BOC: variants seen among roughly 807,000 people sequenced by gnomAD.
BOC encodes the protein BOC cell adhesion associated, oncogene regulated, also known as brother of CDO.
BOC carries 76 observed loss-of-function variants against 112.0 expected under a neutral mutation model. The observed-to-expected ratio is 0.68, with a 90% CI of 0.56 to 0.82. BOC has a LOEUF of 0.82. Among genes scored for constraint, BOC ranks in the 40% least tolerant of loss-of-function variants. BOC has a pLI of 0.00. For synonymous variants in BOC, 580 were observed against 599.8 expected (o/e 0.97, Z 0.48); for missense variants, 1,309 against 1,511.7 (o/e 0.87, Z 2.22).
chr3:113,278,771 G>A lies in BOC; in HGVS notation c.1804G>A (p.Gly602Ser), dbSNP rs746361972. 30 of 1,555,108 alleles carry A rather than the reference G, an allele frequency of 1.9e-5. No homozygotes were observed. The highest frequency in any genetic ancestry group is 9.6e-5 in the African/African-American group (7 of 73,144). Reference protein sequence around the residue: ...SPQSSSQPDHGRLSPPEAPDR... With the variant: ...SPQSSSQPDHSRLSPPEAPDR... ...CCAGAGCAGCAGCCAGCCAGACCACGGCCGCCTCTCCCGTAAGCCGCTAGC... is the reference window on the plus strand; with the variant it reads ...CCAGAGCAGCAGCCAGCCAGACCACAGCCGCCTCTCCCGTAAGCCGCTAGC... Residue 602 changes from glycine to serine, a missense_variant, in exon 11 of 20, where the codon GGC becomes AGC. Gly to Ser is a moderately conservative substitution (Grantham distance 56). Transcript: ENST00000682979. The surrounding 1 kb of genome is among the most constrained non-coding windows in gnomAD (Gnocchi z 4.2).
chr3:113,278,386 C>G lies in BOC; in HGVS notation c.1705+129C>G. The stretch of plus-strand genomic sequence containing the variant: ...TGAACTTCATCTTTCCTTCCAGCTA[C>G]TGCCTCCTTGTGGTTTGTGTGCTAG... On this transcript the variant is annotated intron_variant, in intron 10 of 19. Coordinates refer to ENST00000682979, the MANE Select transcript of BOC (RefSeq NM_001378074.1). This position sits in a 1 kb window ranked among gnomAD's most constrained non-coding sequence, Gnocchi z 4.2. 8.9e-7 allele frequency: 1 copy of G among 1,123,806 alleles called. No individual in the cohort carries two copies. The highest frequency in any genetic ancestry group is 1.3e-6 in the Non-Finnish European group (1 of 784,136). 69.6% of individuals were successfully genotyped at this position (1,123,806 alleles called of 1,614,324 possible). A position where few individuals can be genotyped will look rare whatever the true frequency, so the allele number is the denominator to read the frequency against.
intron 2 of BOC, among the ~76,000 whole-genome samples, chr3:113,223,278 C>A (rs1031222686): frequency 6.6e-6 from 1 of 152,114 alleles, no homozygotes; most frequent in Non-Finnish European, 1.5e-5. Flanking sequence ...AATTAGTAGC[C>A]CTTTTTAAAA....
At chr3:113,245,919 C>T (rs927423120) in intron 2 of BOC, among the ~76,000 whole-genome samples, 7 of 152,304 alleles carry the variant, frequency 4.6e-5, no homozygotes, top group South Asian at 4.1e-4. Context: ...GATGAGCCGA[C>T]GGCTTTTTGT....
At chr3:113,232,856 G>A (rs1366865313) in intron 2 of BOC, among the ~76,000 whole-genome samples, 1 of 152,174 alleles carries the variant, frequency 6.6e-6, no homozygotes, top group Non-Finnish European at 1.5e-5. Context: ...TGTTATAGAT[G>A]TTTACTAATG....
intron 8 of BOC, among the ~76,000 whole-genome samples, chr3:113,273,794 C>T (rs140218826): frequency 4.1e-4 from 62 of 152,264 alleles, no homozygotes; most frequent in South Asian, 1.9e-3. Context: ...GAATATAATA[C>T]GATGCTAAGT....
Position 113,286,790 on chromosome 3 carries a change from G to C in BOC, c.3276G>C (p.Gln1092His). Residue 1092 changes from glutamine (Q) to histidine (H), a missense_variant, in exon 20 of 20, where the codon CAG (glutamine) becomes CAC (histidine). Transcript: ENST00000682979. ...ACCCCGTAGGGGCCTACGTAGGACA[G>C]GAACCTGGAATGCAGCTCTCCCCGG... ...PQHPVGAYVGQEPGMQLSPGP... is the reference protein window; with the variant it reads ...PQHPVGAYVGHEPGMQLSPGP... 1 of 1,613,280 alleles carries C rather than the reference G, an allele frequency of 6.2e-7. No homozygotes were observed.
At position 113,249,841 on chromosome 3, in the gene BOC, G is replaced by C; in HGVS notation, c.39G>C (p.Arg13Ser). ...RGTMTAWRGM[R>S]PEVTLACLLL... ...CGATGACGGCGTGGAGAGGAATGAGGCCTGAGGTCACACTGGCTTGCCTCC... is the reference window on the plus strand; with the variant it reads ...CGATGACGGCGTGGAGAGGAATGAGCCCTGAGGTCACACTGGCTTGCCTCC... Residue 13 changes from arginine to serine, a missense_variant, in exon 3 of 20, where the codon AGG becomes AGC. Coordinates refer to ENST00000682979, the MANE Select transcript of BOC (RefSeq NM_001378074.1). 6.2e-7 allele frequency: 1 copy of C among 1,613,764 alleles called. No homozygotes were observed. The highest frequency in any genetic ancestry group is 1.3e-5 in the African/African-American group (1 of 75,034).
At chr3:113,284,236 C>T in intron 16 of BOC, 99 bp from the exon 17 acceptor site, 2 of 986,696 alleles carry the variant, frequency 2.0e-6, no homozygotes, top group Admixed American at 1.8e-5. Flanking sequence ...GTCCTTCAAC[C>T]CTCTGTGGCC....
chr3:113,272,282 C>T, intron 6 of BOC, 128 bp from the exon 7 acceptor site: 1 of 1,029,558 alleles, frequency 9.7e-7, no homozygotes, highest in Non-Finnish European at 1.4e-6. Context: ...CCCCACTCTA[C>T]ATAGGTTGAA....
rs770834208 is a variant in BOC at position 113,268,348 on chromosome 3, G to A, written c.426G>A (p.Glu142=). 9 of 1,614,136 alleles carry A rather than the reference G, an allele frequency of 5.6e-6. No homozygotes were observed. Among genetic ancestry groups the A allele is most frequent in the Admixed American group, 3.3e-5 (2 of 60,026 alleles). ...LDVQHVIEVD[E]GNTAVIACHL... is the part of the protein sequence containing the mutation. ...TGCAGCACGTGATTGAAGTGGATGA[G>A]GGAAACACAGCAGTCATTGCCTGCC... The change falls in exon 5 of 20, where the codon GAG becomes GAA. Residue 142 remains glutamate (E), a synonymous_variant. Transcript: ENST00000682979.
intron 4 of BOC, among the ~76,000 whole-genome samples, chr3:113,265,358 GA>G (rs1032402924): frequency 0.013 from 1,809 of 143,570 alleles, 32 homozygotes; most frequent in African/African-American, 0.041. Flanking sequence ...AAAGGAGGAG[GA>G]AAAAAAAAAA....
At chr3:113,247,500 GAAAAA>G (rs58781225) in intron 2 of BOC, among the ~76,000 whole-genome samples, 1 of 125,802 alleles carries the variant, frequency 7.9e-6, no homozygotes, top group East Asian at 2.3e-4. Context: ...GCCCTGATAG[GAAAAA>G]AAAAAAAAAA....
intron 2 of BOC, among the ~76,000 whole-genome samples, chr3:113,221,890 A>C (rs1576324128): frequency 6.7e-6 from 1 of 150,360 alleles, no homozygotes; most frequent in Admixed American, 6.6e-5. Context: ...CCCCTTGCCT[A>C]CTCCCACAGC....
chr3:113,249,612 T>C (rs1945358444), intron 2 of BOC, 110 bp from the exon 3 acceptor site: 2 of 517,164 alleles, frequency 3.9e-6, no homozygotes, highest in Admixed American at 4.1e-5. Context: ...GTCTCTAGTT[T>C]GAATGTTGCC....
intron 2 of BOC, among the ~76,000 whole-genome samples, chr3:113,219,469 G>A (rs1386588452): frequency 6.6e-6 from 1 of 152,256 alleles, no homozygotes; most frequent in Non-Finnish European, 1.5e-5. Flanking sequence ...TAAGGAAGCT[G>A]AAGCTTAAAT....
chr3:113,266,425 C>T (rs888926230), intron 4 of BOC, among the ~76,000 whole-genome samples: 2 of 152,208 alleles, frequency 1.3e-5, no homozygotes, highest in African/African-American at 2.4e-5. Flanking sequence ...TCCCACATAA[C>T]GTCTCAAGAA....
chr3:113,238,900 A>AT (rs1368316266), intron 2 of BOC, among the ~76,000 whole-genome samples: 4 of 152,222 alleles, frequency 2.6e-5, no homozygotes, highest in African/African-American at 9.6e-5. Context: ...GTTGAGCTTA[A>AT]TGTTTTAGAA....
chr3:113,237,993 A>T (rs1943793901), intron 2 of BOC, among the ~76,000 whole-genome samples: 1 of 152,224 alleles, frequency 6.6e-6, no homozygotes, highest in South Asian at 2.1e-4. Context: ...GAAGAAAGAG[A>T]TAAGAGGTAT....
intron 2 of BOC, among the ~76,000 whole-genome samples, chr3:113,236,381 G>A (rs1213694679): frequency 7.7e-6 from 1 of 129,706 alleles, no homozygotes; most frequent in Non-Finnish European, 1.7e-5. Flanking sequence ...AGATAGAACT[G>A]GAGGTTTTTC....
Sources: allele counts gnomAD v4.1 joint callset (sites outside exome capture counted in the v4.1 genomes callset), GRCh38; gene constraint gnomAD v4.1.1; non-coding constraint Gnocchi (gnomAD v3.1); transcripts MANE v1.5; gene names NCBI Gene and HGNC (gene_info 2026-07-23, HGNC 2026-07-21).